The following SH2D4A variants were observed in gnomAD, a reference collection of about 807,000 sequenced individuals.
SH2D4A encodes the protein SH2 domain-containing protein 4A.
A neutral mutation model predicts 64.7 loss-of-function variants in SH2D4A; 70 were observed. The observed-to-expected ratio is 1.08, with a 90% CI of 0.89 to 1.32. The LOEUF is 1.32. Among genes scored for constraint, SH2D4A ranks in the 40% most tolerant of loss-of-function variants. The pLI is 0.00. For missense variants in SH2D4A, 706 were observed against 540.1 expected (o/e 1.31, Z -3.04); for synonymous variants, 268 against 200.7 (o/e 1.34, Z -2.83).
intron 8 of SH2D4A, among the ~76,000 whole-genome samples, chr8:19,390,152 G>GGGCAGATCATTTGAGGCCA (rs1384260015): frequency 3.3e-5 from 5 of 152,132 alleles, no homozygotes; most frequent in Admixed American, 6.5e-5. Context: ...AGGCCGAGGT[G>GGGCAGATCATTTGAGGCCA]GGCAGATCAT....
At chr8:19,393,662 G>A in intron 9 of SH2D4A, 121 bp downstream of exon 9, 2 of 891,384 alleles carry the variant, frequency 2.2e-6, no homozygotes, top group Non-Finnish European at 3.4e-6. Flanking sequence ...CAGGGGTGGG[G>A]GCTTGTCTTT....
At chr8:19,321,735 G>A (rs1239275174) in intron 2 of SH2D4A, among the ~76,000 whole-genome samples, 1 of 151,918 alleles carries the variant, frequency 6.6e-6, no homozygotes, top group Non-Finnish European at 1.5e-5. Context: ...GTCTCTTCTG[G>A]GCACCATGTT....
intron 6 of SH2D4A, 30 bp from the exon 7 acceptor site, chr8:19,364,042 G>T: frequency 6.2e-7 from 1 of 1,611,282 alleles, no homozygotes; most frequent in South Asian, 1.1e-5. Flanking sequence ...GGGCTGATGA[G>T]GGTTTTCTCC....
In SH2D4A at chr8:19,337,859, G is replaced by T. The variant is rs540136943; in HGVS notation, c.513+3002G>T. Among the ~76,000 whole-genome samples, 3 of 152,264 alleles carry T rather than the reference G, an allele frequency of 2.0e-5. No homozygotes were observed. In the East Asian group the frequency reaches 5.8e-4, roughly 29 times the overall value. On this transcript the variant is annotated intron_variant, in intron 4 of 9. Coordinates refer to ENST00000265807, the MANE Select transcript of SH2D4A (RefSeq NM_022071.4). Reference sequence around the variant, plus strand: ...CCCACAACACATGGGAATTGTGGGAGTTACAATTCAAGATGAGATTTGGGT... The same window carrying T: ...CCCACAACACATGGGAATTGTGGGATTTACAATTCAAGATGAGATTTGGGT...
At chr8:19,394,487 G>A (rs1370963968) in intron 9 of SH2D4A, 63 bp from the exon 10 acceptor site, 2 of 1,154,210 alleles carry the variant, frequency 1.7e-6, no homozygotes, top group Non-Finnish European at 2.5e-6. Context: ...TGTCCTCTGA[G>A]GAAGTAGGAA....
At chr8:19,359,743 C>T (rs2052849728) in intron 5 of SH2D4A, among the ~76,000 whole-genome samples, 1 of 145,142 alleles carries the variant, frequency 6.9e-6, no homozygotes, top group Admixed American at 6.7e-5. Flanking sequence ...GTTACATCTG[C>T]AGTGAAGCAC....
intron 7 of SH2D4A, among the ~76,000 whole-genome samples, chr8:19,372,508 C>T (rs538472374): frequency 6.6e-6 from 1 of 152,276 alleles, no homozygotes; most frequent in Admixed American, 6.5e-5. Flanking sequence ...ATATTGGACC[C>T]CATCAGCATC....
At chr8:19,381,730 A>G (rs189274117) in intron 8 of SH2D4A, among the ~76,000 whole-genome samples, 29 of 152,294 alleles carry the variant, frequency 1.9e-4, no homozygotes, top group African/African-American at 7.0e-4. Context: ...CTTATTCCTG[A>G]TGTTAGAAGA....
chr8:19,348,192 C>T (rs2052641810), intron 4 of SH2D4A, among the ~76,000 whole-genome samples: 1 of 152,228 alleles, frequency 6.6e-6, no homozygotes, highest in African/African-American at 2.4e-5. Context: ...AACCCCTGGG[C>T]TCAGGTGATC....
chr8:19,367,717 T>G (rs1254211717), intron 7 of SH2D4A, among the ~76,000 whole-genome samples: 1 of 152,182 alleles, frequency 6.6e-6, no homozygotes, highest in Non-Finnish European at 1.5e-5. Context: ...AGAATCCTTT[T>G]TAGCTTGATA....
intron 4 of SH2D4A, among the ~76,000 whole-genome samples, chr8:19,342,632 C>G (rs76645226): frequency 2.0e-5 from 3 of 152,080 alleles, no homozygotes; most frequent in Admixed American, 2.0e-4. Context: ...GATCCTGTTC[C>G]GAGGGCAATG....
chr8:19,316,508 C>A (rs1053238776), intron 1 of SH2D4A, among the ~76,000 whole-genome samples: 2 of 152,116 alleles, frequency 1.3e-5, no homozygotes, highest in African/African-American at 4.8e-5. Flanking sequence ...TAAGCAATGT[C>A]CACACCTGGG....
At chr8:19,343,899 G>T (rs1191924071) in intron 4 of SH2D4A, among the ~76,000 whole-genome samples, 2 of 152,210 alleles carry the variant, frequency 1.3e-5, no homozygotes, top group African/African-American at 4.8e-5. Flanking sequence ...GGCAGGGATG[G>T]AGTGGGTGAC....
chr8:19,334,190 C>T (rs371910442), intron 3 of SH2D4A, among the ~76,000 whole-genome samples: 11 of 152,008 alleles, frequency 7.2e-5, no homozygotes, highest in Non-Finnish European at 1.6e-4. Context: ...TGAGGACCAC[C>T]GTTCAGTTCC....
intron 1 of SH2D4A, among the ~76,000 whole-genome samples, chr8:19,316,910 T>G (rs1468475271): frequency 6.6e-6 from 1 of 152,190 alleles, no homozygotes; most frequent in Non-Finnish European, 1.5e-5. Context: ...AGTTAACACA[T>G]GTAGAGTGCT....
Position 19,334,672 on chromosome 8 carries a change from T to G in SH2D4A, c.342-14T>G. ...AGAATGTTTTTTGAGAATTTCACTT[T>G]TGCCTCTCTTCAGAAAAACTCACTC... On this transcript the variant is annotated splice_polypyrimidine_tract_variant and intron_variant, in intron 3 of 9. Transcript: ENST00000265807. 1 of 1,576,936 alleles carries G rather than the reference T, an allele frequency of 6.3e-7. No homozygotes were observed.
chr8:19,339,760 CA>C, intron 4 of SH2D4A, among the ~76,000 whole-genome samples: 1 of 152,242 alleles, frequency 6.6e-6, no homozygotes, highest in South Asian at 2.1e-4. Context: ...CTCAGCCACC[CA>C]AAGTTCTGGG....
chr8:19,386,880 G>C (rs1175178112), intron 8 of SH2D4A, among the ~76,000 whole-genome samples: 1 of 152,202 alleles, frequency 6.6e-6, no homozygotes, highest in African/African-American at 2.4e-5. Context: ...TCTGGGCTCA[G>C]GTGATTCTCC....
chr8:19,360,687 A>G (rs1481060507), intron 5 of SH2D4A: 2 of 152,214 alleles, frequency 1.3e-5, no homozygotes, highest in Admixed American at 6.6e-5. Flanking sequence ...TTTGGGACAC[A>G]TGACTCGGGG....
Sources: gnomAD v4.1 joint callset for allele counts (sites outside exome capture counted in the v4.1 genomes callset) on GRCh38, gnomAD v4.1.1 for gene constraint, MANE v1.5 for transcripts, NCBI Gene and HGNC (gene_info 2026-07-23, HGNC 2026-07-21) for gene names.